NBAS: variants seen among roughly 807,000 people sequenced by gnomAD.
The protein encoded by NBAS is NBAS subunit of NRZ tethering complex, also known as NAG/BC035112 fusion.
Under a neutral mutation model 302.5 loss-of-function variants are expected in NBAS, and 219 were observed. The observed-to-expected ratio is 0.72, with a 90% CI of 0.65 to 0.81. The LOEUF is 0.81. Ranked by LOEUF, NBAS falls within the 30% of genes least tolerant of loss-of-function variation. NBAS has a pLI of 0.00. For synonymous variants in NBAS, 1,118 were observed against 1,021.6 expected (o/e 1.09, Z -1.80); for missense variants, 2,932 against 2,841.6 (o/e 1.03, Z -0.72).
chr2:15,057,348 G>C, the NBAS span, among the ~76,000 whole-genome samples: 3 of 148,710 alleles, frequency 2.0e-5, no homozygotes, highest in Non-Finnish European at 4.4e-5. Context: ...ATAGCTGAGT[G>C]ATTGGGCAGA....
chr2:14,916,063 G>A, the NBAS span, among the ~76,000 whole-genome samples: 1 of 152,044 alleles, frequency 6.6e-6, no homozygotes, highest in African/African-American at 2.4e-5. Flanking sequence ...CATGAAAACG[G>A]ACTAATACAT....
chr2:14,779,951 T>C, the NBAS span, among the ~76,000 whole-genome samples: 2 of 152,190 alleles, frequency 1.3e-5, no homozygotes, highest in African/African-American at 4.8e-5. Context: ...AAAGGGCCCA[T>C]TTCTTTGTCA....
At chr2:15,511,670 T>C (rs1019307027) in intron 9 of NBAS, among the ~76,000 whole-genome samples, 2 of 152,196 alleles carry the variant, frequency 1.3e-5, no homozygotes, top group African/African-American at 4.8e-5. Context: ...CTTTAATAGA[T>C]GTGTAGCCTC....
chr2:15,393,070 A>C (rs965587905), intron 28 of NBAS, among the ~76,000 whole-genome samples: 1 of 152,028 alleles, frequency 6.6e-6, no homozygotes, highest in African/African-American at 2.4e-5. Flanking sequence ...TTTTTGACCC[A>C]TACTTTGAAC....
chr2:14,854,809 T>C, the NBAS span, among the ~76,000 whole-genome samples: 3 of 152,182 alleles, frequency 2.0e-5, no homozygotes, highest in African/African-American at 7.2e-5. Context: ...TATAGCACTC[T>C]GTTTCTCCAA....
At chr2:15,183,556 T>C (rs1664928868) in intron 50 of NBAS, among the ~76,000 whole-genome samples, 1 of 152,226 alleles carries the variant, frequency 6.6e-6, no homozygotes, top group Non-Finnish European at 1.5e-5. Flanking sequence ...CTCATTCTCC[T>C]TAGAGAATAG....
chr2:15,205,240 A>G (rs1476255306), intron 48 of NBAS, among the ~76,000 whole-genome samples: 2 of 152,174 alleles, frequency 1.3e-5, no homozygotes, highest in Non-Finnish European at 2.9e-5. Flanking sequence ...CCTCAAATCA[A>G]AAAACATACA....
At chr2:15,154,815 T>C in the NBAS span, among the ~76,000 whole-genome samples, 1 of 152,076 alleles carries the variant, frequency 6.6e-6, no homozygotes, top group Non-Finnish European at 1.5e-5. Context: ...CGTGAGGCTA[T>C]AGGTGAGTGT....
intron 9 of NBAS, among the ~76,000 whole-genome samples, chr2:15,522,040 G>T (rs1268808080): frequency 6.6e-6 from 1 of 152,174 alleles, no homozygotes; most frequent in East Asian, 1.9e-4. Context: ...ACAGATTAAA[G>T]GCCAAACCAC....
chr2:15,307,011 G>A (rs1671061977), intron 40 of NBAS, among the ~76,000 whole-genome samples: 1 of 152,196 alleles, frequency 6.6e-6, no homozygotes, highest in Non-Finnish European at 1.5e-5. Context: ...AAGGGACCAG[G>A]CAGAAATCCT....
chr2:14,787,391 TA>T, the NBAS span, among the ~76,000 whole-genome samples: 1 of 152,206 alleles, frequency 6.6e-6, no homozygotes, highest in Non-Finnish European at 1.5e-5. Flanking sequence ...TTTTGCTCGT[TA>T]GTTGATGCAG....
intron 48 of NBAS, among the ~76,000 whole-genome samples, chr2:15,199,823 T>C (rs910600252): frequency 6.6e-6 from 1 of 151,506 alleles, no homozygotes; most frequent in Admixed American, 6.6e-5. Context: ...TGGTGCATAG[T>C]AGGCACACAG....
intron 3 of NBAS, 39 bp downstream of exon 3, chr2:15,556,744 T>G: frequency 6.6e-7 from 1 of 1,517,970 alleles, no homozygotes; most frequent in African/African-American, 1.4e-5. Flanking sequence ...TGTTTATATT[T>G]GATGTTCATA....
the NBAS span, among the ~76,000 whole-genome samples, chr2:14,830,116 G>C: frequency 6.6e-6 from 1 of 151,972 alleles, no homozygotes; most frequent in South Asian, 2.1e-4. Flanking sequence ...TTGCCTTCAG[G>C]CTGTGTCCCC....
chr2:15,214,655 G>A (rs1001024800), intron 48 of NBAS, among the ~76,000 whole-genome samples: 4 of 152,120 alleles, frequency 2.6e-5, no homozygotes, highest in Non-Finnish European at 4.4e-5. Context: ...GTGAGTCTTA[G>A]CTTTGAAGAC....
chr2:14,797,949 A>C, the NBAS span, among the ~76,000 whole-genome samples: 2 of 152,296 alleles, frequency 1.3e-5, no homozygotes, highest in African/African-American at 4.8e-5. Context: ...TACTGACCTC[A>C]TATCCTTCAA....
the NBAS span, among the ~76,000 whole-genome samples, chr2:15,100,846 C>T: frequency 6.6e-6 from 1 of 152,164 alleles, no homozygotes; most frequent in Non-Finnish European, 1.5e-5. Context: ...TATAATGATG[C>T]TCACACATGC....
intron 51 of NBAS, among the ~76,000 whole-genome samples, chr2:15,175,849 C>G (rs954654164): frequency 6.6e-6 from 1 of 152,200 alleles, no homozygotes; most frequent in African/African-American, 2.4e-5. Flanking sequence ...CTGTAAACAC[C>G]TATAAAGCTG....
chr2:14,910,511 A>C, the NBAS span, among the ~76,000 whole-genome samples: 2 of 152,202 alleles, frequency 1.3e-5, no homozygotes, highest in African/African-American at 2.4e-5. Flanking sequence ...CAGCCAGGCC[A>C]CACCGGGGTT....
Sources: gnomAD v4.1 joint callset for allele counts (sites outside exome capture counted in the v4.1 genomes callset) on GRCh38, gnomAD v4.1.1 for gene constraint, MANE v1.5 for transcripts, NCBI Gene and HGNC (gene_info 2026-07-23, HGNC 2026-07-21) for gene names.